MSI2: variants seen among roughly 807,000 people sequenced by gnomAD.
MSI2 encodes the protein RNA-binding protein Musashi homolog 2.
In MSI2, 17 loss-of-function variants were observed where a neutral mutation model predicts 45.6. The ratio of observed to expected loss-of-function variants is 0.37; its 90% CI spans 0.26 to 0.56. MSI2 has a LOEUF of 0.56. Among genes scored for constraint, MSI2 ranks in the 20% least tolerant of loss-of-function variants. The pLI is 0.77. For missense variants in MSI2, 293 were observed against 444.2 expected, an observed-to-expected ratio of 0.66 and a Z score of 3.06; for synonymous variants, 156 against 158.2, an observed-to-expected ratio of 0.99 and a Z score of 0.11.
intron 6 of MSI2, among the ~76,000 whole-genome samples, chr17:57,504,204 C>G (rs1379473635): frequency 6.6e-6 from 1 of 152,158 alleles, no homozygotes; most frequent in Non-Finnish European, 1.5e-5. Context: ...TGCAGGGCAC[C>G]CTCCCTTCCC....
rs746844281 is a variant in MSI2 at position 57,280,084 on chromosome 17, G to C, written c.312+17892G>C. The C allele has an allele frequency of 6.6e-6, 1 of 152,170 alleles. No individual in the cohort carries two copies. 9.4% of individuals were successfully genotyped at this position (152,170 alleles called of 1,614,324 possible). The stretch of plus-strand genomic sequence containing the variant: ...CCTGGAGAAATAACGTTGAGGCTGA[G>C]CTTGATGTAGGGAGGGAAGTAGCAG... On this transcript the variant is annotated intron_variant, in intron 5 of 13. Coordinates refer to ENST00000284073, the MANE Select transcript of MSI2 (RefSeq NM_138962.4). This position sits in a 1 kb window ranked among gnomAD's most constrained non-coding sequence, Gnocchi z 4.2.
the MSI2 span, among the ~76,000 whole-genome samples, chr17:57,696,061 T>C: frequency 1.3e-5 from 2 of 152,018 alleles, no homozygotes; most frequent in African/African-American, 2.4e-5. Flanking sequence ...GGGGTTAGGG[T>C]TTCAAAATAG....
chr17:57,616,386 G>C, intron 9 of MSI2: 1 of 209,696 alleles, frequency 4.8e-6, no homozygotes, highest in East Asian at 9.4e-5. Context: ...TTCCTCAAAA[G>C]AAGGAAAAGT....
intron 5 of MSI2, among the ~76,000 whole-genome samples, chr17:57,398,193 A>C (rs1379250788): frequency 6.6e-6 from 1 of 152,152 alleles, no homozygotes; most frequent in East Asian, 1.9e-4. Flanking sequence ...TGGAATGAAG[A>C]CATGTTGTTT....
intron 7 of MSI2, among the ~76,000 whole-genome samples, chr17:57,569,385 G>A (rs1309345809): frequency 6.6e-6 from 1 of 152,184 alleles, no homozygotes; most frequent in African/African-American, 2.4e-5. Flanking sequence ...CTGGAGTTTT[G>A]CGGGCAGCTG....
chr17:57,394,744 G>A (rs1039585651), intron 5 of MSI2, among the ~76,000 whole-genome samples: 5 of 152,166 alleles, frequency 3.3e-5, no homozygotes, highest in African/African-American at 7.2e-5. Context: ...GCCAGTGGGC[G>A]TGACTTGCCT....
At chr17:57,541,431 C>T (rs1359112550) in intron 7 of MSI2, among the ~76,000 whole-genome samples, 3 of 152,100 alleles carry the variant, frequency 2.0e-5, no homozygotes, top group Admixed American at 6.5e-5. Context: ...TGACAACATG[C>T]ACCCTGGCAT....
rs758721316 is a variant in MSI2, at chr17:57,487,258, G to A, written c.406-42418G>A. Reference sequence around the variant, plus strand: ...ATGCCAGGCTGGGAATTCTGCCTGCGCTGTTGGGAGCCAGTCACGTGTTCC... The same window carrying A: ...ATGCCAGGCTGGGAATTCTGCCTGCACTGTTGGGAGCCAGTCACGTGTTCC... On this transcript the variant is annotated intron_variant, in intron 6 of 13. Coordinates refer to ENST00000284073, the MANE Select transcript of MSI2 (RefSeq NM_138962.4). 9.2e-5 allele frequency among the ~76,000 whole-genome samples: 14 copies of A among 152,332 alleles called. No homozygotes were observed. In the East Asian group the frequency reaches 2.1e-3, roughly 23 times the overall value.
At chr17:57,534,831 A>T (rs143199663) in intron 7 of MSI2, among the ~76,000 whole-genome samples, 1 of 152,228 alleles carries the variant, frequency 6.6e-6, no homozygotes, top group Non-Finnish European at 1.5e-5. Context: ...TGGCTTTCCA[A>T]TCTTCTCAGA....
intron 5 of MSI2, among the ~76,000 whole-genome samples, chr17:57,313,168 T>C (rs1344929250): frequency 6.6e-6 from 1 of 152,162 alleles, no homozygotes; most frequent in Admixed American, 6.5e-5. Context: ...TGATGTCTCA[T>C]ACAGACTTTC....
chr17:57,445,934 T>C (rs1346675642), intron 6 of MSI2, among the ~76,000 whole-genome samples: 4 of 152,082 alleles, frequency 2.6e-5, no homozygotes, highest in African/African-American at 9.7e-5. Flanking sequence ...ACGAGACAAA[T>C]GTTTAGGAAT....
chr17:57,272,208 G>A (rs1908438424), intron 5 of MSI2, among the ~76,000 whole-genome samples: 1 of 152,170 alleles, frequency 6.6e-6, no homozygotes, highest in Non-Finnish European at 1.5e-5. Flanking sequence ...ACCCTGTTTG[G>A]TTTACTGTGG....
intron 8 of MSI2, among the ~76,000 whole-genome samples, chr17:57,611,375 G>A (rs1907195370): frequency 1.0e-5 from 1 of 96,204 alleles, no homozygotes; most frequent in African/African-American, 3.2e-5. Flanking sequence ...GCCCTGTGGT[G>A]AGAGCAGCCC....
At chr17:57,675,684 G>A (rs146197275) in intron 12 of MSI2, among the ~76,000 whole-genome samples, 42 of 152,250 alleles carry the variant, frequency 2.8e-4, no homozygotes, top group African/African-American at 9.6e-4. Context: ...GAGGTGGTGT[G>A]GGGATCCAAG....
At position 57,258,372 on chromosome 17, in the gene MSI2, G is replaced by T. The variant is rs764700880; in HGVS notation, c.270+18G>T. 3.1e-6 allele frequency: 5 copies of T among 1,600,722 alleles called. No individual in the cohort carries two copies. Among genetic ancestry groups the T allele is most frequent in the Non-Finnish European group, 4.3e-6 (5 of 1,167,712 alleles). ...CCAAGACGGTAGGTTGCTTTTTGTT[G>T]TTGTTGTTCGCCCCTTTTCAGGAAC... On this transcript the variant is annotated intron_variant, in intron 4 of 13. Coordinates refer to ENST00000284073, the MANE Select transcript of MSI2 (RefSeq NM_138962.4).
intron 11 of MSI2, among the ~76,000 whole-genome samples, chr17:57,653,868 C>T (rs1911372579): frequency 6.6e-6 from 1 of 152,080 alleles, no homozygotes; most frequent in Non-Finnish European, 1.5e-5. Flanking sequence ...CTCATGGACT[C>T]CCAGAGCCAG....
rs191483956 is a variant in MSI2 at position 57,566,527 on chromosome 17, G to T, written c.455-30341G>T. On this transcript the variant is annotated intron_variant, in intron 7 of 13. Coordinates refer to ENST00000284073, the MANE Select transcript of MSI2 (RefSeq NM_138962.4). ...CAGGCATTGGGGCCCGGTATTTCCT[G>T]CGTTTACCTGTGCAGAAGTCATCAT... Among the ~76,000 whole-genome samples, 461 of 152,270 alleles carry T rather than the reference G, an allele frequency of 3.0e-3. 1 individual carries two copies. Among genetic ancestry groups the T allele is most frequent in the Non-Finnish European group, 4.2e-3 (286 of 68,016 alleles).
intron 5 of MSI2, among the ~76,000 whole-genome samples, chr17:57,292,367 C>G (rs1212128130): frequency 6.6e-6 from 1 of 152,042 alleles, no homozygotes; most frequent in Non-Finnish European, 1.5e-5. Context: ...TGGGGGAGAC[C>G]AGGGAGCTAA....
chr17:57,667,077 G>A (rs910287409), intron 11 of MSI2, among the ~76,000 whole-genome samples: 8 of 152,156 alleles, frequency 5.3e-5, no homozygotes, highest in Admixed American at 2.0e-4. Context: ...CCCAACAGGG[G>A]CCACCTCTCT....
Sources: gnomAD v4.1 joint callset for allele counts (sites outside exome capture counted in the v4.1 genomes callset) on GRCh38, gnomAD v4.1.1 for gene constraint, Gnocchi (gnomAD v3.1) non-coding constraint, MANE v1.5 for transcripts, NCBI Gene and HGNC (gene_info 2026-07-23, HGNC 2026-07-21) for gene names.